The following SHANK1 variants were observed in gnomAD, a reference collection of about 807,000 sequenced individuals.
SHANK1 encodes the protein SH3 and multiple ankyrin repeat domains protein 1.
SHANK1 carries 35 observed loss-of-function variants against 165.6 expected under a neutral mutation model. The observed-to-expected ratio is 0.21, with a 90% CI of 0.16 to 0.28. SHANK1 has a LOEUF of 0.28. Among genes scored for constraint, SHANK1 ranks in the 10% least tolerant of loss-of-function variants. The pLI is 1.00. For synonymous variants in SHANK1, 1,428 were observed against 1,384.8 expected (o/e 1.03, Z -0.69); for missense variants, 2,681 against 3,036.4 (o/e 0.88, Z 2.75).
chr19:50,666,330 T>C lies in SHANK1; in HGVS notation c.5630A>G (p.Lys1877Arg), dbSNP rs1985508120. The C allele has an allele frequency of 1.2e-6, 2 of 1,613,630 alleles. No homozygotes were observed. Among genetic ancestry groups the C allele is most frequent in the African/African-American group, 2.7e-5 (2 of 74,930 alleles). The change falls in exon 23 of 24, where the codon AAG becomes AGG. Residue 1877 changes from lysine to arginine, a missense_variant. By Grantham distance (26) the Lys-to-Arg change is conservative. This residue lies in a region of SHANK1 where 1,713 missense variants were observed against 1,630.2 expected (regional missense o/e 1.05). Transcript: ENST00000293441. ...KASIISELSS[K>R]LQQFGGSSAA... ...CGAGGAGCCCCCAAACTGCTGAAGC[T>C]TGGAGCTGAGTTCACTGATGATGCT...
chr19:50,666,957 G>A lies in SHANK1; in HGVS notation c.5003C>T (p.Pro1668Leu), dbSNP rs761162869. ...CTCGATGCCAGAATCCGTGCCAGGC[G>A]GAGGGTCCGGGCCAGGCTGTGGGGC... ...PAAPQPGPDP[P>L]PGTDSGIEEV... is the part of the protein sequence containing the mutation. The change falls in exon 23 of 24, where the codon CCG (proline) becomes CTG (leucine). Residue 1668 changes from proline (P) to leucine (L), a missense_variant. This residue lies in a region of SHANK1 where 1,713 missense variants were observed against 1,630.2 expected (regional missense o/e 1.05). Coordinates refer to ENST00000293441, the MANE Select transcript of SHANK1 (RefSeq NM_016148.5). 19 of 1,594,828 alleles carry A rather than the reference G, an allele frequency of 1.2e-5. No individual in the cohort carries two copies. The highest frequency in any genetic ancestry group is 1.7e-5 in the Admixed American group (1 of 58,854).
Position 50,716,368 on chromosome 19 carries a change from C to T in SHANK1, c.366G>A (p.Pro122=), listed in dbSNP as rs139316388. Residue 122 remains proline, a synonymous_variant, in exon 3 of 24, where the codon CCG becomes CCA. Coordinates refer to ENST00000293441, the MANE Select transcript of SHANK1 (RefSeq NM_016148.5). The surrounding 1 kb of genome is among the most constrained non-coding windows in gnomAD (Gnocchi z 8.4). Reference sequence around the variant, plus strand: ...AGTTGGCATCGCGGCCGGAGGTGGCCGGTTGGAACAGGCCATAGTTGAGCA... The same window carrying T: ...AGTTGGCATCGCGGCCGGAGGTGGCTGGTTGGAACAGGCCATAGTTGAGCA... ...QDVLNYGLFQ[P]ATSGRDANFL... is the part of the protein sequence containing the mutation. 7.4e-6 allele frequency: 12 copies of T among 1,614,082 alleles called. No individual in the cohort carries two copies. The highest frequency in any genetic ancestry group is 2.2e-5 in the East Asian group (1 of 44,886).
chr19:50,690,897 C>T lies in SHANK1; in HGVS notation c.1965-1618G>A, dbSNP rs1014234824. Among the ~76,000 whole-genome samples the T allele has an allele frequency of 1.3e-5, 2 of 152,128 alleles. No individual in the cohort carries two copies. The highest frequency in any genetic ancestry group is 2.9e-5 in the Non-Finnish European group (2 of 68,026). ...AGCACCCCTGTATGCTCCCAGGACC[C>T]CCATGGCTCCCCTTGTAAAAATCCA... On this transcript the variant is annotated intron_variant, in intron 15 of 23. Transcript: ENST00000293441. This position sits in a 1 kb window ranked among gnomAD's most constrained non-coding sequence, Gnocchi z 4.9.
chr19:50,669,137 G>A lies in SHANK1; in HGVS notation c.2823C>T (p.Ser941=). ...PPYSTPPVPS[S]SGRLTPSPRG... ...GAGGGGAGGGGGTGAGGCGCCCTGA[G>A]GAGGAGGGGACTGGAGGTGTGCTGT... is the stretch of plus-strand genomic sequence containing the variant. The change falls in exon 23 of 24, where the codon TCC becomes TCT. Residue 941 remains serine (S), a synonymous_variant. Transcript: ENST00000293441. The A allele has an allele frequency of 2.6e-6, 4 of 1,555,758 alleles. No homozygotes were observed. The highest frequency in any genetic ancestry group is 3.5e-6 in the Non-Finnish European group (4 of 1,151,336).
intron 21 of SHANK1, among the ~76,000 whole-genome samples, chr19:50,677,105 G>A (rs529782114): frequency 1.3e-5 from 2 of 151,368 alleles, no homozygotes; most frequent in African/African-American, 4.9e-5. Context: ...CTGCTAACCT[G>A]CCTGAGACTT....
intron 15 of SHANK1, among the ~76,000 whole-genome samples, chr19:50,691,213 G>T (rs1199431304): frequency 3.3e-5 from 5 of 152,152 alleles, no homozygotes; most frequent in African/African-American, 1.2e-4. Context: ...GGGCCGAGAA[G>T]GCCAGAACAG....
intron 21 of SHANK1, among the ~76,000 whole-genome samples, chr19:50,673,949 A>C (rs1407740904): frequency 2.0e-5 from 3 of 151,710 alleles, no homozygotes; most frequent in Non-Finnish European, 2.9e-5. Context: ...GCACAATCAC[A>C]TCCAGTTAAT....
At position 50,666,222 on chromosome 19, in the gene SHANK1, G is replaced by C; in HGVS notation, c.5738C>G (p.Pro1913Arg). The change falls in exon 23 of 24, where the codon CCC becomes CGC. Residue 1913 changes from proline to arginine, a missense_variant. Physicochemically the swap from Pro to Arg is moderately radical, Grantham distance 103. This residue lies in a region of SHANK1 where 1,713 missense variants were observed against 1,630.2 expected (regional missense o/e 1.05). Transcript: ENST00000293441. ...CCGCTGCAGGGAGGAGGTCCTCTCG[G>C]GGACATAGCTGGCTCCCCCGTGGTG... ...DSHHGGASYV[P>R]ERTSSLQRQR... is the part of the protein sequence containing the mutation. The C allele has an allele frequency of 4.4e-6, 7 of 1,606,364 alleles. No individual in the cohort carries two copies. The highest frequency in any genetic ancestry group is 5.9e-6 in the Non-Finnish European group (7 of 1,177,112).
Position 50,670,576 on chromosome 19 carries a change from C to T in SHANK1, c.2675-1291G>A, listed in dbSNP as rs776105613. Among the ~76,000 whole-genome samples the T allele has an allele frequency of 1.2e-4, 18 of 152,182 alleles. No homozygotes were observed. Among genetic ancestry groups the T allele is most frequent in the Admixed American group, 2.6e-4 (4 of 15,268 alleles). Reference sequence around the variant, plus strand: ...CTCAGGGCAAAGGTTCAAGTCCTCACCATGACTCCCCAGACCCTGCAGGAT... The same window carrying T: ...CTCAGGGCAAAGGTTCAAGTCCTCATCATGACTCCCCAGACCCTGCAGGAT... On this transcript the variant is annotated intron_variant, in intron 22 of 23. Coordinates refer to ENST00000293441, the MANE Select transcript of SHANK1 (RefSeq NM_016148.5). The surrounding 1 kb of genome is among the most constrained non-coding windows in gnomAD (Gnocchi z 4.1).
chr19:50,709,393 G>A (rs897461990), intron 8 of SHANK1, among the ~76,000 whole-genome samples: 13 of 152,018 alleles, frequency 8.6e-5, no homozygotes, highest in Non-Finnish European at 1.3e-4. Flanking sequence ...CGCCCGCCTC[G>A]GCCTCCCAAA....
rs190737306 is a variant in SHANK1, at chr19:50,718,298, T to A, written c.-44+1108A>T. Among the ~76,000 whole-genome samples, 1,687 of 143,340 alleles carry A rather than the reference T, an allele frequency of 0.012. 30 individuals carry two copies. The highest frequency in any genetic ancestry group is 0.042 in the African/African-American group (1,606 of 38,394). The allele number at this position is 143,340 out of a possible 152,430, so 94.0% of individuals were successfully genotyped here. ...CAGCCACGCCGCCCCACCTCGTCCC[T>A]GCGGAGACCCCGGCTGCCTCCTCCC... On this transcript the variant is annotated intron_variant, in intron 1 of 23. Coordinates refer to ENST00000293441, the MANE Select transcript of SHANK1 (RefSeq NM_016148.5). This position sits in a 1 kb window ranked among gnomAD's most constrained non-coding sequence, Gnocchi z 5.1.
Position 50,688,158 on chromosome 19 carries a change from C to T in SHANK1, c.2173-100G>A. On this transcript the variant is annotated intron_variant, in intron 17 of 23. Transcript: ENST00000293441. This position sits in a 1 kb window ranked among gnomAD's most constrained non-coding sequence, Gnocchi z 6.7. ...AGGATGCCTCCTGCGCTGCCCTGTC[C>T]ATGGCCCTCTGGGCTATGTTCCTCT... 1 of 1,422,596 alleles carries T rather than the reference C, an allele frequency of 7.0e-7. No individual in the cohort carries two copies. Among genetic ancestry groups the T allele is most frequent in the Non-Finnish European group, 9.7e-7 (1 of 1,030,470 alleles). The allele number at this position is 1,422,596 out of a possible 1,614,324, so 88.1% of individuals were successfully genotyped here.
In SHANK1 at chr19:50,670,627, C is replaced by A; in HGVS notation, c.2675-1342G>T. Among the ~76,000 whole-genome samples the A allele has an allele frequency of 6.8e-6, 1 of 147,306 alleles. No individual in the cohort carries two copies. Among genetic ancestry groups the A allele is most frequent in the Non-Finnish European group, 1.5e-5 (1 of 65,738 alleles). On this transcript the variant is annotated intron_variant, in intron 22 of 23. Transcript: ENST00000293441. This position sits in a 1 kb window ranked among gnomAD's most constrained non-coding sequence, Gnocchi z 4.1. ...CGGGACCCTGTCCCCCCACTGCCCT[C>A]ATGTCCAGTGCTCACTTGGCCCCTG...
At chr19:50,664,315 C>T (rs904184616) in intron 23 of SHANK1, among the ~76,000 whole-genome samples, 1 of 152,280 alleles carries the variant, frequency 6.6e-6, no homozygotes, top group South Asian at 2.1e-4. Context: ...AAATGTAACT[C>T]TACTTTCTCT....
chr19:50,666,182 C>G lies in SHANK1; in HGVS notation c.5768+10G>C, dbSNP rs1195132839. 6.4e-7 allele frequency: 1 copy of G among 1,571,322 alleles called. No homozygotes were observed. Among genetic ancestry groups the G allele is most frequent in the Non-Finnish European group, 8.6e-7 (1 of 1,158,490 alleles). ...CTGGCCTCCCTTGTTGGCCACCAGC[C>G]CCCGCTTACCTCTGCCGCTGCAGGG... is the stretch of plus-strand genomic sequence containing the variant. On this transcript the variant is annotated intron_variant, in intron 23 of 23. Transcript: ENST00000293441.
chr19:50,697,121 A>G lies in SHANK1; in HGVS notation c.1939T>C (p.Leu647=). The change falls in exon 15 of 24, where the codon TTA becomes CTA. Residue 647 remains leucine, a splice_region_variant and synonymous_variant. Transcript: ENST00000293441. This position sits in a 1 kb window ranked among gnomAD's most constrained non-coding sequence, Gnocchi z 4.7. ...CTCCCTGGGCCAATCCCATCCATTAAGCTTCCGAAGCAAGTCAGCCAGCAG... is the reference window on the plus strand; with the variant it reads ...CTCCCTGGGCCAATCCCATCCATTAGGCTTCCGAAGCAAGTCAGCCAGCAG... The part of the protein sequence containing the change: ...GSYDSFDAPS[L]MDGIGPGSDY... 6.2e-7 allele frequency: 1 copy of G among 1,612,848 alleles called. No homozygotes were observed. The highest frequency in any genetic ancestry group is 8.5e-7 in the Non-Finnish European group (1 of 1,179,722).
intron 11 of SHANK1, 52 bp downstream of exon 11, chr19:50,703,448 A>G (rs1428035708): frequency 6.9e-7 from 1 of 1,457,260 alleles, no homozygotes; most frequent in Non-Finnish European, 9.2e-7. Context: ...GCCGATCTGG[A>G]GAGGGGATTT....
intron 22 of SHANK1, among the ~76,000 whole-genome samples, chr19:50,669,573 C>A (rs1214718755): frequency 6.6e-6 from 1 of 152,074 alleles, no homozygotes; most frequent in African/African-American, 2.4e-5. Context: ...TTTCTAATTC[C>A]GTTCAAAGGC....
chr19:50,710,240 A>C (rs1485391570), intron 8 of SHANK1, among the ~76,000 whole-genome samples: 1 of 152,178 alleles, frequency 6.6e-6, no homozygotes, highest in Admixed American at 6.5e-5. Flanking sequence ...CGGTTTGACA[A>C]ACACTGAGTC....
Sources: allele counts gnomAD v4.1 joint callset (sites outside exome capture counted in the v4.1 genomes callset), GRCh38; gene constraint gnomAD v4.1.1; regional missense constraint gnomAD v4.1.1; non-coding constraint Gnocchi (gnomAD v3.1); transcripts MANE v1.5; gene names NCBI Gene and HGNC (gene_info 2026-07-23, HGNC 2026-07-21).